The following SLC27A2 variants were observed in gnomAD, a reference collection of about 807,000 sequenced individuals.
The protein encoded by SLC27A2 is solute carrier family 27 member 2, also known as long-chain fatty acid transport protein 2.
In SLC27A2, 54 loss-of-function variants were observed where a neutral mutation model predicts 60.0. The ratio of observed to expected loss-of-function variants is 0.90; its 90% CI spans 0.72 to 1.13. The LOEUF (loss-of-function observed/expected upper bound fraction) is 1.13. Ranked by LOEUF, SLC27A2 falls within the 50% of genes most tolerant of loss-of-function variation. The pLI, the probability that SLC27A2 is intolerant of heterozygous loss-of-function variation, is 0.00. For synonymous variants in SLC27A2, 297 were observed against 297.6 expected (o/e 1.00, Z 0.02); for missense variants, 739 against 777.6 (o/e 0.95, Z 0.59).
At chr15:50,201,561 CT>C (rs112780212) in intron 2 of SLC27A2, among the ~76,000 whole-genome samples, 18,759 of 145,116 alleles carry the variant, frequency 0.13, 1,145 homozygotes, top group Middle Eastern at 0.15. Context: ...GTGCATATTT[CT>C]TTTTTTTTTT....
intron 1 of SLC27A2, among the ~76,000 whole-genome samples, chr15:50,189,833 A>C (rs2044959430): frequency 6.6e-6 from 1 of 152,220 alleles, no homozygotes; most frequent in African/African-American, 2.4e-5. Flanking sequence ...AATGCTAACA[A>C]TTATGTAAGG....
intron 1 of SLC27A2, 66 bp from the exon 2 acceptor site, chr15:50,197,434 T>C: frequency 8.2e-7 from 1 of 1,219,064 alleles, no homozygotes; most frequent in Non-Finnish European, 1.2e-6. Context: ...TGATGCTTGT[T>C]GAAGCACTAA....
chr15:50,194,834 G>A (rs1006918248), intron 1 of SLC27A2, among the ~76,000 whole-genome samples: 1 of 151,650 alleles, frequency 6.6e-6, no homozygotes, highest in African/African-American at 2.4e-5. Context: ...AAGATTCTTG[G>A]GGCAAAAGAA....
chr15:50,235,228 G>A (rs2045343490), intron 9 of SLC27A2, among the ~76,000 whole-genome samples: 1 of 152,130 alleles, frequency 6.6e-6, no homozygotes, highest in South Asian at 2.1e-4. Flanking sequence ...CAACCAGATG[G>A]TAAAGTGGCA....
At chr15:50,208,720 A>C (rs1045193181) in intron 4 of SLC27A2, among the ~76,000 whole-genome samples, 1 of 152,222 alleles carries the variant, frequency 6.6e-6, no homozygotes, top group African/African-American at 2.4e-5. Flanking sequence ...TGAGTAGGGG[A>C]TGGGATAGCA....
intron 4 of SLC27A2, among the ~76,000 whole-genome samples, chr15:50,220,924 T>A (rs1167878285): frequency 6.6e-6 from 1 of 152,152 alleles, no homozygotes; most frequent in African/African-American, 2.4e-5. Context: ...AGATTCTGGC[T>A]GGGCACAGTG....
At chr15:50,219,999 C>G (rs2045231843) in intron 4 of SLC27A2, among the ~76,000 whole-genome samples, 1 of 152,216 alleles carries the variant, frequency 6.6e-6, no homozygotes, top group Non-Finnish European at 1.5e-5. Context: ...TTGAGTCATA[C>G]TCTTTCAGCC....
chr15:50,228,891 C>A, intron 7 of SLC27A2, 54 bp from the exon 8 acceptor site: 3 of 1,234,722 alleles, frequency 2.4e-6, no homozygotes, highest in African/African-American at 1.5e-5. Flanking sequence ...TCCGACATTG[C>A]AACCTGGGCC....
intron 4 of SLC27A2, among the ~76,000 whole-genome samples, chr15:50,218,207 A>C (rs1363620365): frequency 6.6e-6 from 1 of 152,152 alleles, no homozygotes; most frequent in African/African-American, 2.4e-5. Flanking sequence ...CTTGAAAACT[A>C]AAATGATGTT....
At chr15:50,196,119 T>C (rs2045021058) in intron 1 of SLC27A2, among the ~76,000 whole-genome samples, 1 of 96,554 alleles carries the variant, frequency 1.0e-5, no homozygotes, top group South Asian at 3.5e-4. Context: ...TATATATATA[T>C]ATATATGTAT....
Position 50,234,131 on chromosome 15 carries a change from G to A in SLC27A2, c.1686+133G>A, listed in dbSNP as rs112782266. 4,919 of 889,834 alleles carry A rather than the reference G, an allele frequency of 5.5e-3. 152 individuals carry two copies. In the African/African-American group the frequency reaches 0.074, roughly 13 times the overall value. The allele number at this position is 889,834 out of a possible 1,614,324, so 55.1% of individuals were successfully genotyped here. Reference sequence around the variant, plus strand: ...CGCACTTTCCAGGAAGCTCAGAAAAGTGTCATAGACCAATAAGGAAGTGGT... The same window carrying A: ...CGCACTTTCCAGGAAGCTCAGAAAAATGTCATAGACCAATAAGGAAGTGGT... On this transcript the variant is annotated intron_variant, in intron 9 of 9. Transcript: ENST00000267842.
In SLC27A2 at chr15:50,223,107, T is replaced by C; in HGVS notation, c.1115T>C (p.Met372Thr). 2.5e-6 allele frequency: 4 copies of C among 1,613,980 alleles called. No homozygotes were observed. In the South Asian group the frequency reaches 3.3e-5, roughly 13 times the overall value. Residue 372 changes from methionine to threonine, a missense_variant, in exon 5 of 10, where the codon ATG becomes ACG. Transcript: ENST00000267842. ...YAATEGNIGFMNYARKVGAVG... is the reference protein window; with the variant it reads ...YAATEGNIGFTNYARKVGAVG... ...GCCACTGAAGGCAATATTGGATTTATGAATTATGCGAGAAAAGTTGGTGCT... is the reference window on the plus strand; with the variant it reads ...GCCACTGAAGGCAATATTGGATTTACGAATTATGCGAGAAAAGTTGGTGCT...
intron 6 of SLC27A2, among the ~76,000 whole-genome samples, chr15:50,226,653 C>T (rs576839930): frequency 1.1e-3 from 175 of 152,174 alleles, no homozygotes; most frequent in African/African-American, 4.1e-3. Context: ...AATCCCTTGA[C>T]CATGGGAGGC....
intron 6 of SLC27A2, 88 bp from the exon 7 acceptor site, chr15:50,226,892 C>A: frequency 9.7e-7 from 1 of 1,029,066 alleles, no homozygotes; most frequent in Non-Finnish European, 1.4e-6. Context: ...TTGTTGCCAG[C>A]AGGTTGTATG....
At chr15:50,207,224 C>T (rs866407822) in intron 4 of SLC27A2, among the ~76,000 whole-genome samples, 9 of 152,136 alleles carry the variant, frequency 5.9e-5, no homozygotes, top group Admixed American at 3.3e-4. Flanking sequence ...CACATATCCA[C>T]ATATACACAT....
At chr15:50,197,026 G>T (rs1202909704) in intron 1 of SLC27A2, among the ~76,000 whole-genome samples, 1 of 152,116 alleles carries the variant, frequency 6.6e-6, no homozygotes, top group Non-Finnish European at 1.5e-5. Context: ...ATATACATCA[G>T]TTACACACGG....
chr15:50,231,396 C>T (rs1484427132), intron 8 of SLC27A2, among the ~76,000 whole-genome samples: 3 of 152,102 alleles, frequency 2.0e-5, no homozygotes, highest in African/African-American at 4.8e-5. Flanking sequence ...ATCCACACCC[C>T]GACCTTGGCC....
At chr15:50,183,006 T>A in intron 1 of SLC27A2, 101 bp downstream of exon 1, 3 of 1,194,032 alleles carry the variant, frequency 2.5e-6, no homozygotes. Flanking sequence ...GAGGTTCAGA[T>A]CGGAACTGTA....
chr15:50,200,032 A>G (rs763665614), intron 2 of SLC27A2, among the ~76,000 whole-genome samples: 2 of 152,276 alleles, frequency 1.3e-5, no homozygotes, highest in Non-Finnish European at 2.9e-5. Context: ...GCACAAAATT[A>G]TATAATAGTT....
Sources: allele counts gnomAD v4.1 joint callset (sites outside exome capture counted in the v4.1 genomes callset), GRCh38; gene constraint gnomAD v4.1.1; transcripts MANE v1.5; gene names NCBI Gene and HGNC (gene_info 2026-07-23, HGNC 2026-07-21).